SLC17A9: variants seen among roughly 807,000 people sequenced by gnomAD.
SLC17A9 encodes the protein solute carrier family 17 member 9.
Under a neutral mutation model 55.0 loss-of-function variants are expected in SLC17A9, and 49 were observed. That is an observed-to-expected ratio of 0.89 (90% CI 0.71 to 1.13). SLC17A9 has a LOEUF of 1.13. Ranked by LOEUF, SLC17A9 falls within the 50% of genes most tolerant of loss-of-function variation. The pLI, the probability that SLC17A9 is intolerant of heterozygous loss-of-function variation, is 0.00. For synonymous variants in SLC17A9, 256 were observed against 247.4 expected (o/e 1.03, Z -0.32); for missense variants, 526 against 569.3 (o/e 0.92, Z 0.77).
chr20:62,965,524 G>T (rs945913838), intron 9 of SLC17A9, 86 bp from the exon 10 acceptor site: 1 of 1,290,024 alleles, frequency 7.8e-7, no homozygotes, highest in East Asian at 2.3e-5. Context: ...GGTGCGCCCA[G>T]GGGGGCTTTC....
chr20:62,956,034 C>T (rs2065534090), intron 1 of SLC17A9, among the ~76,000 whole-genome samples: 1 of 152,232 alleles, frequency 6.6e-6, no homozygotes, highest in South Asian at 2.1e-4. Flanking sequence ...GGGCTGGAGC[C>T]AGGATAGCCT....
intron 5 of SLC17A9, chr20:62,963,062 G>A (rs2065602808): frequency 1.6e-6 from 1 of 644,068 alleles, no homozygotes; most frequent in Middle Eastern, 2.6e-4. Flanking sequence ...GAGGCCGTGT[G>A]GAGGGTCGTT....
intron 7 of SLC17A9, 105 bp downstream of exon 7, chr20:62,963,785 C>T: frequency 9.4e-7 from 1 of 1,063,314 alleles, no homozygotes; most frequent in Non-Finnish European, 1.4e-6. Context: ...GAACCCTCGG[C>T]TCCTCCTGGA....
intron 1 of SLC17A9, chr20:62,953,348 G>A: frequency 1.3e-6 from 2 of 1,485,618 alleles, no homozygotes; most frequent in Non-Finnish European, 1.8e-6. Flanking sequence ...GCTGTGTGCT[G>A]AGGACGAGCT....
At chr20:62,963,070 G>A (rs773718512) in intron 5 of SLC17A9, 8 of 655,258 alleles carry the variant, frequency 1.2e-5, no homozygotes, top group South Asian at 1.9e-5. Context: ...GTGGAGGGTC[G>A]TTCAGAACGC....
chr20:62,964,927 C>G lies in SLC17A9; in HGVS notation c.911-205C>G, dbSNP rs1601098025. 8.6e-6 allele frequency: 5 copies of G among 584,236 alleles called. No homozygotes were observed. In the East Asian group the frequency reaches 1.4e-4, roughly 17 times the overall value. 36.2% of individuals were successfully genotyped at this position (584,236 alleles called of 1,614,324 possible). A position where few individuals can be genotyped will look rare whatever the true frequency, so the allele number is the denominator to read the frequency against. On this transcript the variant is annotated intron_variant, in intron 8 of 12. Coordinates refer to ENST00000370351, the MANE Select transcript of SLC17A9 (RefSeq NM_022082.4). ...TCTGCCCAAACCCACGCCTTGGGAA[C>G]CTTCCAAAGGCGCACATGCGGCCTC...
At chr20:62,966,856 C>CCCCAGAGCAGG in intron 12 of SLC17A9, 124 bp downstream of exon 12, 1 of 1,256,656 alleles carries the variant, frequency 8.0e-7, no homozygotes, top group Non-Finnish European at 1.1e-6. Flanking sequence ...AGGGCACAGA[C>CCCCAGAGCAGG]CCCAGAGCAG....
intron 4 of SLC17A9, 152 bp downstream of exon 4, chr20:62,960,755 C>G (rs1467680014): frequency 4.3e-6 from 3 of 691,388 alleles, no homozygotes; most frequent in East Asian, 5.5e-5. Context: ...CTCTGTAGCC[C>G]GAGGCTGTGC....
At position 62,952,896 on chromosome 20, in the gene SLC17A9, C is replaced by T. The variant is rs921907057; in HGVS notation, c.59+7C>T. The T allele has an allele frequency of 4.5e-3, 270 of 60,312 alleles. No individual in the cohort carries two copies. Among genetic ancestry groups the T allele is most frequent in the East Asian group, 0.025 (102 of 4,010 alleles). 3.7% of individuals were successfully genotyped at this position (60,312 alleles called of 1,614,324 possible). On this transcript the variant is annotated splice_region_variant and intron_variant, in intron 1 of 12. Coordinates refer to ENST00000370351, the MANE Select transcript of SLC17A9 (RefSeq NM_022082.4). ...GGGACACCCAGTGGTCCAGGTGTGG[C>T]GGGGGTGAGGGGAGGGGGGGTGGGA...
intron 9 of SLC17A9, 31 bp downstream of exon 9, chr20:62,965,197 G>GAT (rs763546924): frequency 1.2e-6 from 2 of 1,613,898 alleles, no homozygotes; most frequent in African/African-American, 2.7e-5. Context: ...GTTCTCTCTG[G>GAT]ATATCCCTGC....
intron 3 of SLC17A9, among the ~76,000 whole-genome samples, chr20:62,959,150 G>A (rs1268517198): frequency 6.6e-6 from 1 of 152,182 alleles, no homozygotes; most frequent in Non-Finnish European, 1.5e-5. Flanking sequence ...CAAGGCTGAA[G>A]CTGTGAGGAA....
intron 4 of SLC17A9, among the ~76,000 whole-genome samples, chr20:62,961,595 T>G (rs2065589504): frequency 6.6e-6 from 1 of 152,132 alleles, no homozygotes; most frequent in African/African-American, 2.4e-5. Flanking sequence ...GTGTTACTGT[T>G]GCTGAGGTTC....
chr20:62,966,873 G>A, intron 12 of SLC17A9, 141 bp downstream of exon 12: 3 of 1,094,614 alleles, frequency 2.7e-6, no homozygotes, highest in Non-Finnish European at 3.9e-6. Context: ...GCAGGCCCAG[G>A]AGAGGAGGAT....
rs367814195 is a variant in SLC17A9 at position 62,966,693 on chromosome 20, C to A, written c.1118-10C>A. 1.9e-5 allele frequency: 31 copies of A among 1,613,718 alleles called. No individual in the cohort carries two copies. The highest frequency in any genetic ancestry group is 2.6e-5 in the Non-Finnish European group (31 of 1,179,932). ...CATCCATATTCTCTCTCGCTCTGGC[C>A]TCTTCACAGGTGTGGCCAACACAGC... is the stretch of plus-strand genomic sequence containing the variant. On this transcript the variant is annotated splice_polypyrimidine_tract_variant and intron_variant, in intron 11 of 12. Coordinates refer to ENST00000370351, the MANE Select transcript of SLC17A9 (RefSeq NM_022082.4).
At chr20:62,957,030 G>A in intron 2 of SLC17A9, 68 bp downstream of exon 2, 2 of 1,596,262 alleles carry the variant, frequency 1.3e-6, no homozygotes, top group Non-Finnish European at 1.7e-6. Context: ...AGGGGCGAGT[G>A]GGCTGGCTGT....
At chr20:62,957,863 G>A (rs1733535930) in intron 3 of SLC17A9, among the ~76,000 whole-genome samples, 1 of 104,706 alleles carries the variant, frequency 9.6e-6, no homozygotes, top group African/African-American at 3.0e-5. Context: ...GTGTGCGTGT[G>A]CAAGTGTGTG....
Position 62,962,767 on chromosome 20 carries a change from G to A in SLC17A9, c.628+13G>A, listed in dbSNP as rs377725966. 2.9e-5 allele frequency: 46 copies of A among 1,612,892 alleles called. No individual in the cohort carries two copies. The highest frequency in any genetic ancestry group is 1.6e-4 in the Middle Eastern group (1 of 6,078). Reference sequence around the variant, plus strand: ...CTGAGTGAAAAAGGTAACGCAGGCCGGGCGGGCTAGTCCCGGGCGCCCACA... The same window carrying A: ...CTGAGTGAAAAAGGTAACGCAGGCCAGGCGGGCTAGTCCCGGGCGCCCACA... On this transcript the variant is annotated intron_variant, in intron 5 of 12. Coordinates refer to ENST00000370351, the MANE Select transcript of SLC17A9 (RefSeq NM_022082.4). This position sits in a 1 kb window ranked among gnomAD's most constrained non-coding sequence, Gnocchi z 5.5.
At position 62,956,020 on chromosome 20, in the gene SLC17A9, G is replaced by A. The variant is rs541848811; in HGVS notation, c.60-745G>A. Among the ~76,000 whole-genome samples the A allele has an allele frequency of 2.6e-5, 4 of 152,368 alleles. No individual in the cohort carries two copies. The East Asian group carries it at 7.7e-4, about 29-fold the overall frequency. On this transcript the variant is annotated intron_variant, in intron 1 of 12. Transcript: ENST00000370351. ...GGGTTAATGGTTGGCCCTGCCGTGG[G>A]GAGGGGCTGGAGCCAGGATAGCCTC...
At chr20:62,954,767 C>T (rs1019809289) in intron 1 of SLC17A9, among the ~76,000 whole-genome samples, 7 of 152,374 alleles carry the variant, frequency 4.6e-5, no homozygotes, top group Middle Eastern at 3.4e-3. Flanking sequence ...CCGCCTGCCA[C>T]GTAGGGCAGA....
Sources: gnomAD v4.1 joint callset for allele counts (sites outside exome capture counted in the v4.1 genomes callset) on GRCh38, gnomAD v4.1.1 for gene constraint, Gnocchi (gnomAD v3.1) non-coding constraint, MANE v1.5 for transcripts, NCBI Gene and HGNC (gene_info 2026-07-23, HGNC 2026-07-21) for gene names.